The following PPP2R3A variants were observed in gnomAD, a reference collection of about 807,000 sequenced individuals.
PPP2R3A encodes protein phosphatase 2 regulatory subunit B''alpha.
Under a neutral mutation model 106.9 loss-of-function variants are expected in PPP2R3A, and 80 were observed. That is an observed-to-expected ratio of 0.75 (90% CI 0.62 to 0.90). The LOEUF is 0.90. PPP2R3A is among the 40% of genes least tolerant of loss of function. The pLI is 0.00. For missense variants in PPP2R3A, 1,386 were observed against 1,350.4 expected (o/e 1.03, Z -0.41); for synonymous variants, 483 against 468.3 (o/e 1.03, Z -0.41).
intron 13 of PPP2R3A, among the ~76,000 whole-genome samples, chr3:136,115,552 T>A (rs1937712833): frequency 6.6e-6 from 1 of 151,628 alleles, no homozygotes. Flanking sequence ...AAGAACAACA[T>A]AAATGACCTG....
chr3:136,077,153 G>A (rs1271892893), intron 6 of PPP2R3A, among the ~76,000 whole-genome samples: 1 of 152,110 alleles, frequency 6.6e-6, no homozygotes, highest in African/African-American at 2.4e-5. Context: ...CTCCCATGGA[G>A]CGTGGCACTT....
intron 1 of PPP2R3A, among the ~76,000 whole-genome samples, chr3:135,998,026 G>C (rs1933471417): frequency 6.6e-6 from 1 of 152,136 alleles, no homozygotes; most frequent in Non-Finnish European, 1.5e-5. Context: ...ATAAAGTTCA[G>C]ACTCCTTAGT....
intron 13 of PPP2R3A, 123 bp downstream of exon 13, chr3:136,106,445 T>G (rs1037700544): frequency 2.7e-6 from 2 of 752,758 alleles, no homozygotes; most frequent in African/African-American, 3.6e-5. Flanking sequence ...AAAATGTGAT[T>G]TAGCCAACTT....
chr3:136,031,574 T>G (rs1468324035), intron 3 of PPP2R3A, among the ~76,000 whole-genome samples: 2 of 152,228 alleles, frequency 1.3e-5, no homozygotes, highest in Non-Finnish European at 2.9e-5. Context: ...ATGAAATCTT[T>G]GCCTAAGCCA....
intron 6 of PPP2R3A, among the ~76,000 whole-genome samples, chr3:136,076,965 A>T (rs907039872): frequency 6.6e-6 from 1 of 151,744 alleles, no homozygotes; most frequent in Non-Finnish European, 1.5e-5. Flanking sequence ...AAAAAAAAAA[A>T]AAGCACCATA....
At chr3:136,005,169 T>C (rs1322027513) in intron 2 of PPP2R3A, among the ~76,000 whole-genome samples, 2 of 152,176 alleles carry the variant, frequency 1.3e-5, no homozygotes, top group Non-Finnish European at 2.9e-5. Context: ...TTGTTTCACG[T>C]ACAAAATTCT....
intron 2 of PPP2R3A, among the ~76,000 whole-genome samples, chr3:136,016,675 C>T (rs945350689): frequency 6.6e-6 from 1 of 152,110 alleles, no homozygotes. Flanking sequence ...TATCTTTTTC[C>T]ACCCCTTTAC....
At chr3:136,096,672 G>A (rs1181904682) in intron 10 of PPP2R3A, among the ~76,000 whole-genome samples, 1 of 152,238 alleles carries the variant, frequency 6.6e-6, no homozygotes, top group East Asian at 1.9e-4. Flanking sequence ...ATATGCAACA[G>A]AATATACATT....
chr3:136,069,678 G>A (rs766286457), intron 5 of PPP2R3A, among the ~76,000 whole-genome samples: 6 of 152,190 alleles, frequency 3.9e-5, no homozygotes, highest in Non-Finnish European at 7.3e-5. Flanking sequence ...ATAGCTAACT[G>A]CTCTGAAGAA....
chr3:136,122,237 C>T (rs1405254476), intron 13 of PPP2R3A, among the ~76,000 whole-genome samples: 1 of 152,172 alleles, frequency 6.6e-6, no homozygotes, highest in Non-Finnish European at 1.5e-5. Context: ...GGAAGGATCA[C>T]TTGAGCCCAG....
chr3:136,090,777 G>GTCTA, intron 10 of PPP2R3A, 110 bp downstream of exon 10: 2 of 778,826 alleles, frequency 2.6e-6, no homozygotes, highest in Non-Finnish European at 4.2e-6. Context: ...GCAATACTAA[G>GTCTA]ATGAATTAGA....
In PPP2R3A at chr3:135,971,927, A is replaced by G. The variant is rs182259485; in HGVS notation, c.-441+6078A>G. 5.9e-5 allele frequency among the ~76,000 whole-genome samples: 9 copies of G among 152,276 alleles called. No individual in the cohort carries two copies. In the East Asian group the frequency reaches 1.7e-3, roughly 29 times the overall value. ...CTGAGTGGGGAGAGGACTTGGAGTCAGTTCCTGAGTATAGTTCCTGGATTT... is the reference window on the plus strand; with the variant it reads ...CTGAGTGGGGAGAGGACTTGGAGTCGGTTCCTGAGTATAGTTCCTGGATTT... On this transcript the variant is annotated intron_variant, in intron 1 of 13. Coordinates refer to ENST00000264977, the MANE Select transcript of PPP2R3A (RefSeq NM_002718.5).
intron 13 of PPP2R3A, among the ~76,000 whole-genome samples, chr3:136,110,868 C>T (rs931054999): frequency 4.0e-5 from 6 of 151,662 alleles, no homozygotes; most frequent in African/African-American, 9.7e-5. Context: ...TTTCAGAATA[C>T]GAAAGATAGG....
intron 5 of PPP2R3A, among the ~76,000 whole-genome samples, chr3:136,062,941 A>G (rs942969130): frequency 1.3e-5 from 2 of 152,196 alleles, no homozygotes; most frequent in East Asian, 1.9e-4. Context: ...GTATGGAACC[A>G]AAAAAGAGCT....
chr3:136,098,798 G>C (rs181536547), intron 10 of PPP2R3A, among the ~76,000 whole-genome samples: 9 of 152,274 alleles, frequency 5.9e-5, no homozygotes, highest in Admixed American at 3.9e-4. Context: ...AGGATTTGGG[G>C]ATACTAGGAA....
At chr3:136,043,413 C>T (rs1474074698) in intron 4 of PPP2R3A, among the ~76,000 whole-genome samples, 2 of 152,046 alleles carry the variant, frequency 1.3e-5, no homozygotes, top group Non-Finnish European at 2.9e-5. Flanking sequence ...GAGCCGAGAT[C>T]GCGCCTCTGC....
intron 2 of PPP2R3A, among the ~76,000 whole-genome samples, chr3:136,008,303 G>A (rs894721771): frequency 6.6e-6 from 1 of 152,094 alleles, no homozygotes; most frequent in African/African-American, 2.4e-5. Flanking sequence ...TCAGTGCTGG[G>A]AATGCTTAAG....
At chr3:135,972,593 A>G (rs1257406416) in intron 1 of PPP2R3A, among the ~76,000 whole-genome samples, 2 of 152,292 alleles carry the variant, frequency 1.3e-5, no homozygotes, top group African/African-American at 2.4e-5. Flanking sequence ...GCAATTTTTG[A>G]GAATTCTAGT....
chr3:136,071,252 C>T (rs1229283207), intron 6 of PPP2R3A, among the ~76,000 whole-genome samples: 4 of 152,222 alleles, frequency 2.6e-5, no homozygotes, highest in Admixed American at 6.5e-5. Context: ...CTCAGCTAAA[C>T]AGGGCCGTCT....
Sources: allele counts gnomAD v4.1 joint callset (sites outside exome capture counted in the v4.1 genomes callset), GRCh38; gene constraint gnomAD v4.1.1; transcripts MANE v1.5; gene names NCBI Gene and HGNC (gene_info 2026-07-23, HGNC 2026-07-21).